The following CADPS2 variants were observed in gnomAD, a reference collection of about 807,000 sequenced individuals.
CADPS2 encodes calcium dependent secretion activator 2.
Under a neutral mutation model 172.5 loss-of-function variants are expected in CADPS2, and 93 were observed. The observed-to-expected ratio is 0.54, with a 90% CI of 0.46 to 0.64. The LOEUF (loss-of-function observed/expected upper bound fraction) is 0.64, where lower values mean the gene tolerates loss of function less well. CADPS2 is among the 30% of genes least tolerant of loss of function. CADPS2 has a pLI of 0.00. For synonymous variants in CADPS2, 546 were observed against 555.2 expected (o/e 0.98, Z 0.23); for missense variants, 1,420 against 1,565.9 (o/e 0.91, Z 1.57).
intron 8 of CADPS2, among the ~76,000 whole-genome samples, chr7:122,543,013 C>T (rs981776496): frequency 6.6e-6 from 1 of 151,864 alleles, no homozygotes; most frequent in Non-Finnish European, 1.5e-5. Context: ...TGGGGCAACA[C>T]TATCATGTAT....
intron 2 of CADPS2, among the ~76,000 whole-genome samples, chr7:122,688,648 T>G (rs1276301090): frequency 1.3e-5 from 2 of 152,234 alleles, no homozygotes; most frequent in Non-Finnish European, 2.9e-5. Context: ...CTTAATTTTC[T>G]CTCTCTGGGC....
At chr7:122,455,679 A>T (rs2053676466) in intron 14 of CADPS2, among the ~76,000 whole-genome samples, 1 of 152,120 alleles carries the variant, frequency 6.6e-6, no homozygotes, top group Non-Finnish European at 1.5e-5. Flanking sequence ...ATTAGAATTA[A>T]CAGGGTATAA....
chr7:122,498,810 A>G (rs1024596540), intron 9 of CADPS2, among the ~76,000 whole-genome samples: 7 of 152,122 alleles, frequency 4.6e-5, no homozygotes, highest in Non-Finnish European at 1.0e-4. Flanking sequence ...CCTTAAATAA[A>G]ATTATTTTAT....
Position 122,708,780 on chromosome 7 carries a change from A to G in CADPS2, c.453+28175T>C, listed in dbSNP as rs1396316160. On this transcript the variant is annotated intron_variant, in intron 2 of 29. Coordinates refer to ENST00000449022, the MANE Select transcript of CADPS2 (RefSeq NM_017954.11). ...AAACAATTTTTTCCTTATTCAGTCTACCGATTTAGAAGATAGAATGGTAAT... is the reference window on the plus strand; with the variant it reads ...AAACAATTTTTTCCTTATTCAGTCTGCCGATTTAGAAGATAGAATGGTAAT... Among the ~76,000 whole-genome samples, 16 of 151,678 alleles carry G rather than the reference A, an allele frequency of 1.1e-4. No homozygotes were observed. The Admixed American group carries it at 1.1e-3, about 10-fold the overall frequency.
At chr7:122,830,003 T>C (rs917817268) in intron 1 of CADPS2, among the ~76,000 whole-genome samples, 2 of 145,360 alleles carry the variant, frequency 1.4e-5, no homozygotes, top group Admixed American at 6.9e-5. Context: ...CATTATGCCT[T>C]ATACCACAAT....
At position 122,621,683 on chromosome 7, in the gene CADPS2, A is replaced by C; in HGVS notation, c.902T>G (p.Met301Arg). The stretch of plus-strand genomic sequence containing the variant: ...CAACTCTTCTATATACATATTCTCC[A>C]TATCTTTTGCTATAAATTTGGGGAA... The part of the protein sequence containing the change: ...RKFPKFIAKD[M>R]ENMYIEELRS... The change falls in exon 5 of 30, where the codon ATG (methionine) becomes AGG (arginine). Residue 301 changes from methionine (M) to arginine (R), a missense_variant. Transcript: ENST00000449022. The C allele has an allele frequency of 6.3e-7, 1 of 1,598,934 alleles. No individual in the cohort carries two copies. Among genetic ancestry groups the C allele is most frequent in the Non-Finnish European group, 8.5e-7 (1 of 1,173,744 alleles).
At chr7:122,444,287 G>A (rs1026939188) in intron 15 of CADPS2, among the ~76,000 whole-genome samples, 3 of 152,122 alleles carry the variant, frequency 2.0e-5, no homozygotes, top group African/African-American at 7.2e-5. Context: ...ATAAAAGTCT[G>A]TGTGGACACA....
At chr7:122,671,815 AGT>A (rs2081894310) in intron 2 of CADPS2, among the ~76,000 whole-genome samples, 1 of 152,228 alleles carries the variant, frequency 6.6e-6, no homozygotes, top group Non-Finnish European at 1.5e-5. Context: ...GCAGAGGAGT[AGT>A]GAGTAGGAAG....
At chr7:122,698,649 G>A (rs1186616206) in intron 2 of CADPS2, 1 of 1,613,864 alleles carries the variant, frequency 6.2e-7, no homozygotes, top group African/African-American at 1.3e-5. Flanking sequence ...GGCTGAAAAT[G>A]GTATTGGGAT....
chr7:122,541,365 T>TTTA (rs964350631), intron 8 of CADPS2, among the ~76,000 whole-genome samples: 9 of 147,836 alleles, frequency 6.1e-5, no homozygotes, highest in African/African-American at 2.2e-4. Flanking sequence ...CCCAGCTATT[T>TTTA]TTTTTTTTTT....
At chr7:122,645,491 T>C (rs2078358347) in intron 3 of CADPS2, among the ~76,000 whole-genome samples, 3 of 81,244 alleles carry the variant, frequency 3.7e-5, no homozygotes, top group East Asian at 3.7e-4. Context: ...ATTTAGCGTA[T>C]ATATATATAA....
At chr7:122,759,644 A>G (rs1467616161) in intron 1 of CADPS2, among the ~76,000 whole-genome samples, 2 of 152,204 alleles carry the variant, frequency 1.3e-5, no homozygotes, top group Non-Finnish European at 2.9e-5. Flanking sequence ...ACTGATTTAT[A>G]GAGGACTTCA....
Position 122,732,821 on chromosome 7 carries a change from AT to A in CADPS2, c.453+4133del, listed in dbSNP as rs56759350. The stretch of plus-strand genomic sequence containing the variant: ...ATTATATATTATATACATAATGTAT[AT>A]TATATATAATATACATTATATATGC... On this transcript the variant is annotated intron_variant, in intron 2 of 29. Coordinates refer to ENST00000449022, the MANE Select transcript of CADPS2 (RefSeq NM_017954.11). Among the ~76,000 whole-genome samples, 532 of 141,754 alleles carry A rather than the reference AT, an allele frequency of 3.8e-3. 5 individuals are homozygous for A. Among genetic ancestry groups the A allele is most frequent in the African/African-American group, 0.013 (505 of 37,636 alleles). The allele number at this position is 141,754 out of a possible 152,430, so 93.0% of individuals were successfully genotyped here.
chr7:122,723,286 C>T (rs2090687267), intron 2 of CADPS2, among the ~76,000 whole-genome samples: 1 of 151,942 alleles, frequency 6.6e-6, no homozygotes, highest in African/African-American at 2.4e-5. Flanking sequence ...ACTCATCTGA[C>T]AAAGGCCTAA....
chr7:122,854,587 T>C (rs1234423549), intron 1 of CADPS2, among the ~76,000 whole-genome samples: 1 of 152,186 alleles, frequency 6.6e-6, no homozygotes, highest in Non-Finnish European at 1.5e-5. Context: ...CAGAACAAGG[T>C]GTGCTGCACA....
At chr7:122,777,985 G>A (rs894207431) in intron 1 of CADPS2, among the ~76,000 whole-genome samples, 1 of 152,140 alleles carries the variant, frequency 6.6e-6, no homozygotes, top group African/African-American at 2.4e-5. Flanking sequence ...ATAGTTCAGA[G>A]GGGTCAGAAG....
intron 14 of CADPS2, 134 bp downstream of exon 14, chr7:122,471,241 G>GTT (rs908853602): frequency 6.2e-4 from 304 of 489,052 alleles, no homozygotes; most frequent in South Asian, 2.9e-3. Flanking sequence ...TTTCTCTGTC[G>GTT]TTTTTTTTTT....
At chr7:122,558,395 A>T (rs2065295488) in intron 7 of CADPS2, among the ~76,000 whole-genome samples, 2 of 152,108 alleles carry the variant, frequency 1.3e-5, no homozygotes, top group East Asian at 1.9e-4. Flanking sequence ...TATTTAGCAA[A>T]CTATTTTGTT....
intron 3 of CADPS2, among the ~76,000 whole-genome samples, chr7:122,655,758 C>A (rs1258643876): frequency 6.6e-6 from 1 of 152,048 alleles, no homozygotes; most frequent in Non-Finnish European, 1.5e-5. Context: ...TTCATAATTT[C>A]TGTAAAATAA....
Sources: gnomAD v4.1 joint callset for allele counts (sites outside exome capture counted in the v4.1 genomes callset) on GRCh38, gnomAD v4.1.1 for gene constraint, MANE v1.5 for transcripts, NCBI Gene and HGNC (gene_info 2026-07-23, HGNC 2026-07-21) for gene names.